Variants in ESRRG observed in about 807,000 individuals in gnomAD.
ESRRG encodes estrogen related receptor gamma.
In ESRRG, 13 loss-of-function variants were observed where a neutral mutation model predicts 44.0. That is an observed-to-expected ratio of 0.30 (90% CI 0.19 to 0.47). The LOEUF (loss-of-function observed/expected upper bound fraction) is 0.47. ESRRG is among the 20% of genes least tolerant of loss of function. The pLI, the probability that ESRRG is intolerant of heterozygous loss-of-function variation, is 1.00. For missense variants in ESRRG, 395 were observed against 580.6 expected, an observed-to-expected ratio of 0.68 and a Z score of 3.29; for synonymous variants, 215 against 214.6, an observed-to-expected ratio of 1.00 and a Z score of -0.02.
intron 1 of ESRRG, among the ~76,000 whole-genome samples, chr1:217,134,979 T>A (rs1003559543): frequency 2.0e-5 from 3 of 152,230 alleles, no homozygotes; most frequent in African/African-American, 7.2e-5. Flanking sequence ...ACCCTGACTC[T>A]ATTTCCGGCT....
chr1:216,962,227 G>A (rs1253942590), intron 1 of ESRRG, among the ~76,000 whole-genome samples: 2 of 152,180 alleles, frequency 1.3e-5, no homozygotes, highest in African/African-American at 2.4e-5. Flanking sequence ...TACTACAGAT[G>A]GCTGGCAAGC....
At chr1:216,605,976 G>A (rs544320589) in intron 3 of ESRRG, among the ~76,000 whole-genome samples, 13 of 151,968 alleles carry the variant, frequency 8.6e-5, no homozygotes, top group South Asian at 6.2e-4. Flanking sequence ...GCCCCTGCTC[G>A]CCTTCTCTTT....
intron 2 of ESRRG, among the ~76,000 whole-genome samples, chr1:216,904,891 GAACTGCCC>G (rs2059516095): frequency 6.6e-6 from 1 of 152,124 alleles, no homozygotes; most frequent in African/African-American, 2.4e-5. Context: ...ACCCTCTTCT[GAACTGCCC>G]AAGGAAAATT....
chr1:217,136,276 C>T (rs564234040), intron 1 of ESRRG, among the ~76,000 whole-genome samples: 237 of 152,308 alleles, frequency 1.6e-3, no homozygotes, highest in African/African-American at 5.4e-3. Context: ...TGGCGTTTTC[C>T]TGAGGTACTG....
rs577048510 is a variant in ESRRG, at chr1:216,823,754, CT to C, written c.-14+115827del. 2.2e-3 allele frequency among the ~76,000 whole-genome samples: 334 copies of C among 152,262 alleles called. 2 individuals carry two copies. The highest frequency in any genetic ancestry group is 7.7e-3 in the African/African-American group (318 of 41,562). ...CATTTCTGATAGGAATGCAAGCTTT[CT>C]TTACAAGATGCAAGGCATTAGACTA... On this transcript the variant is annotated intron_variant, in intron 2 of 7. Transcript: ENST00000359162.
At chr1:216,533,535 A>T (rs1173159345) in intron 5 of ESRRG, among the ~76,000 whole-genome samples, 1 of 152,152 alleles carries the variant, frequency 6.6e-6, no homozygotes, top group East Asian at 1.9e-4. Context: ...TGGCTACAGC[A>T]GGAGGCAGAA....
intron 2 of ESRRG, among the ~76,000 whole-genome samples, chr1:216,910,196 A>G (rs2060149622): frequency 6.6e-6 from 1 of 151,982 alleles, no homozygotes; most frequent in Non-Finnish European, 1.5e-5. Context: ...CATGAAAATG[A>G]AAAAGTTTGG....
At chr1:216,661,894 A>G (rs2072539470) in intron 2 of ESRRG, among the ~76,000 whole-genome samples, 1 of 152,208 alleles carries the variant, frequency 6.6e-6, no homozygotes. Flanking sequence ...GCAGTATAAC[A>G]TATAGATTAC....
intron 2 of ESRRG, among the ~76,000 whole-genome samples, chr1:216,880,980 T>A (rs2096437044): frequency 6.6e-6 from 1 of 152,146 alleles, no homozygotes; most frequent in South Asian, 2.1e-4. Context: ...AATATAAATA[T>A]TAATTGAAAA....
At chr1:217,128,093 A>T (rs1025363990) in intron 1 of ESRRG, among the ~76,000 whole-genome samples, 1 of 152,204 alleles carries the variant, frequency 6.6e-6, no homozygotes, top group South Asian at 2.1e-4. Flanking sequence ...AGCACACTCC[A>T]TAAAATGACA....
At chr1:216,881,550 A>T (rs966185081) in intron 2 of ESRRG, among the ~76,000 whole-genome samples, 8 of 152,068 alleles carry the variant, frequency 5.3e-5, no homozygotes, top group Non-Finnish European at 1.2e-4. Flanking sequence ...GTAAAGAAAA[A>T]TCAAGAACAA....
rs535385356 is a variant in ESRRG at position 216,989,518 on chromosome 1, T to A, written c.-105-49845A>T. Among the ~76,000 whole-genome samples, 7 of 150,212 alleles carry A rather than the reference T, an allele frequency of 4.7e-5. No homozygotes were observed. The East Asian group carries it at 9.9e-4, about 21-fold the overall frequency. ...TTCTCCAGTTGAAATCATCAACCAA[T>A]AGGTGAAAATAGGCTTTCGAGGATT... On this transcript the variant is annotated intron_variant, in intron 1 of 7. Coordinates refer to the ESRRG transcript ENST00000359162.
intron 2 of ESRRG, among the ~76,000 whole-genome samples, chr1:216,792,282 C>T (rs1279820607): frequency 6.6e-6 from 1 of 152,140 alleles, no homozygotes; most frequent in African/African-American, 2.4e-5. Flanking sequence ...AGACCTAGTC[C>T]TGTATTATGC....
intron 5 of ESRRG, among the ~76,000 whole-genome samples, chr1:216,527,387 T>C (rs954822061): frequency 2.6e-5 from 4 of 152,156 alleles, no homozygotes; most frequent in African/African-American, 9.6e-5. Context: ...AAGCAATCTT[T>C]AAAATATGAA....
intron 1 of ESRRG, among the ~76,000 whole-genome samples, chr1:217,039,236 C>G (rs1481671427): frequency 2.0e-5 from 3 of 152,190 alleles, no homozygotes; most frequent in Admixed American, 6.5e-5. Context: ...CTGTTCCAAC[C>G]TCTGTGTGTT....
At chr1:216,565,145 G>A (rs943904459) in intron 4 of ESRRG, among the ~76,000 whole-genome samples, 2 of 152,070 alleles carry the variant, frequency 1.3e-5, no homozygotes, top group Admixed American at 6.6e-5. Context: ...TGAAATTTGT[G>A]ATATATGTTT....
chr1:217,107,344 T>C (rs1166791172), intron 1 of ESRRG, among the ~76,000 whole-genome samples: 2 of 152,234 alleles, frequency 1.3e-5, no homozygotes, highest in African/African-American at 4.8e-5. Context: ...TTAATTTTTA[T>C]TACTGATGAC....
At chr1:216,758,937 GTATTAT>G (rs1220246664) in intron 2 of ESRRG, among the ~76,000 whole-genome samples, 1 of 151,838 alleles carries the variant, frequency 6.6e-6, no homozygotes, top group Non-Finnish European at 1.5e-5. Context: ...CCCTAAGAAG[GTATTAT>G]TATCCCCATT....
intron 2 of ESRRG, among the ~76,000 whole-genome samples, chr1:216,884,069 A>G (rs1340986054): frequency 1.3e-5 from 2 of 152,174 alleles, no homozygotes; most frequent in Non-Finnish European, 1.5e-5. Context: ...CTTGTTGACT[A>G]TGTTCTCCTA....
Sources: allele counts gnomAD v4.1 joint callset (sites outside exome capture counted in the v4.1 genomes callset), GRCh38; gene constraint gnomAD v4.1.1; transcripts MANE v1.5; gene names NCBI Gene and HGNC (gene_info 2026-07-23, HGNC 2026-07-21).